SORCS3: variants seen among roughly 807,000 people sequenced by gnomAD.
The protein encoded by SORCS3 is VPS10 domain-containing receptor SorCS3.
SORCS3 carries 57 observed loss-of-function variants against 146.3 expected under a neutral mutation model. The observed-to-expected ratio is 0.39, with a 90% confidence interval of 0.31 to 0.49. SORCS3 has a LOEUF of 0.49. Ranked by LOEUF, SORCS3 falls within the 20% of genes least tolerant of loss-of-function variation. The pLI is 0.92. For synonymous variants in SORCS3, 653 were observed against 618.5 expected (o/e 1.06, Z -0.83); for missense variants, 1,341 against 1,575.5 (o/e 0.85, Z 2.52).
At chr10:104,922,462 A>T (rs1286735055) in intron 3 of SORCS3, among the ~76,000 whole-genome samples, 1 of 152,172 alleles carries the variant, frequency 6.6e-6, no homozygotes, top group Non-Finnish European at 1.5e-5. Context: ...ATTCGGATGC[A>T]TGCAGGGGCC....
Position 104,997,211 on chromosome 10 carries a change from A to C in SORCS3, c.954+19718A>C, listed in dbSNP as rs544656649. Among the ~76,000 whole-genome samples, 4 of 152,324 alleles carry C rather than the reference A, an allele frequency of 2.6e-5. No homozygotes were observed. In the South Asian group the frequency reaches 8.3e-4, roughly 32 times the overall value. ...GAAACTTATGCTTTATTATGTAGACAGGAAACTATTTCTTTTAACACAGTT... is the reference window on the plus strand; with the variant it reads ...GAAACTTATGCTTTATTATGTAGACCGGAAACTATTTCTTTTAACACAGTT... On this transcript the variant is annotated intron_variant, in intron 4 of 26. Coordinates refer to ENST00000369701, the MANE Select transcript of SORCS3 (RefSeq NM_014978.3).
intron 7 of SORCS3, among the ~76,000 whole-genome samples, chr10:105,113,416 A>T (rs1267486864): frequency 6.6e-6 from 1 of 152,220 alleles, no homozygotes; most frequent in Non-Finnish European, 1.5e-5. Flanking sequence ...ACCTCTTTAT[A>T]ATGATATTCA....
At chr10:104,765,996 TG>T (rs2017175618) in intron 1 of SORCS3, among the ~76,000 whole-genome samples, 1 of 152,212 alleles carries the variant, frequency 6.6e-6, no homozygotes, top group African/African-American at 2.4e-5. Flanking sequence ...ACTTGCCCTT[TG>T]GGGCTAGAGA....
chr10:105,030,818 C>G (rs2055261572), intron 4 of SORCS3, among the ~76,000 whole-genome samples: 1 of 151,686 alleles, frequency 6.6e-6, no homozygotes, highest in Non-Finnish European at 1.5e-5. Flanking sequence ...GTCTTGAACT[C>G]CTGACCTCAG....
chr10:104,930,047 C>T (rs996810181), intron 3 of SORCS3, among the ~76,000 whole-genome samples: 1 of 135,172 alleles, frequency 7.4e-6, no homozygotes, highest in Non-Finnish European at 1.5e-5. Context: ...CCATAAATGT[C>T]CAGAAAATGG....
rs186142861 is a variant in SORCS3, at chr10:104,932,206, C to T, written c.795+16274C>T. The stretch of plus-strand genomic sequence containing the variant: ...ATTTTCTTGGCATTAATAGTTTCTA[C>T]AGAACCCGTCTTGCCTCAGCTGGAC... On this transcript the variant is annotated intron_variant, in intron 3 of 26. Transcript: ENST00000369701. Among the ~76,000 whole-genome samples the T allele has an allele frequency of 3.9e-5, 6 of 152,336 alleles. No individual in the cohort carries two copies. The East Asian group carries it at 1.2e-3, about 29-fold the overall frequency.
intron 5 of SORCS3, among the ~76,000 whole-genome samples, chr10:105,069,386 C>T (rs1414303399): frequency 6.6e-6 from 1 of 152,200 alleles, no homozygotes; most frequent in African/African-American, 2.4e-5. Flanking sequence ...TGGGACAAAC[C>T]TCTTGGCTTC....
At chr10:105,124,065 TC>T (rs1347046883) in intron 7 of SORCS3, among the ~76,000 whole-genome samples, 2 of 152,158 alleles carry the variant, frequency 1.3e-5, no homozygotes, top group African/African-American at 4.8e-5. Flanking sequence ...TACTCTTCCT[TC>T]CCCCTTTCTA....
chr10:105,003,498 GATTCCATGATTAAATGGAGCCTA>G (rs1305193300), intron 4 of SORCS3, among the ~76,000 whole-genome samples: 1 of 152,058 alleles, frequency 6.6e-6, no homozygotes, highest in Non-Finnish European at 1.5e-5. Flanking sequence ...CAAACTCTCT[GATTCCATGATTAAATGGAGCCTA>G]ATTTGTGTTG....
intron 18 of SORCS3, 78 bp from the exon 19 acceptor site, chr10:105,216,858 T>G: frequency 6.9e-7 from 1 of 1,446,570 alleles, no homozygotes. Context: ...AGGTTGATGC[T>G]GAAGCAACAG....
At chr10:105,213,297 C>A (rs900934593) in intron 17 of SORCS3, among the ~76,000 whole-genome samples, 1 of 152,242 alleles carries the variant, frequency 6.6e-6, no homozygotes, top group African/African-American at 2.4e-5. Flanking sequence ...AGGGGGTACC[C>A]AGGGAAAATG....
chr10:104,644,452 T>C (rs1267996341), intron 1 of SORCS3, among the ~76,000 whole-genome samples: 10 of 152,218 alleles, frequency 6.6e-5, no homozygotes, highest in Admixed American at 6.5e-4. Flanking sequence ...GGAAATCTCC[T>C]GGAGAGTCAC....
chr10:105,053,562 G>A lies in SORCS3; in HGVS notation c.1028+10434G>A, dbSNP rs191522135. ...AAATACCTCTTAAAAAATCAAGTAC[G>A]TCTTCATAGCCTTTTTTCCCTATTA... On this transcript the variant is annotated intron_variant, in intron 5 of 26. Coordinates refer to ENST00000369701, the MANE Select transcript of SORCS3 (RefSeq NM_014978.3). Among the ~76,000 whole-genome samples, 544 of 151,706 alleles carry A rather than the reference G, an allele frequency of 3.6e-3. 7 individuals are homozygous for A. Among genetic ancestry groups the A allele is most frequent in the African/African-American group, 0.012 (507 of 41,350 alleles).
At chr10:105,049,038 G>A (rs936553958) in intron 5 of SORCS3, among the ~76,000 whole-genome samples, 3 of 151,924 alleles carry the variant, frequency 2.0e-5, no homozygotes, top group Non-Finnish European at 4.4e-5. Flanking sequence ...ATTGACATTT[G>A]TATGCATAGG....
intron 7 of SORCS3, among the ~76,000 whole-genome samples, chr10:105,135,429 A>G (rs1326215355): frequency 6.6e-6 from 1 of 152,126 alleles, no homozygotes; most frequent in African/African-American, 2.4e-5. Flanking sequence ...CCATTGTTTC[A>G]TTGATCTGGT....
At chr10:105,003,537 T>G (rs1405131656) in intron 4 of SORCS3, among the ~76,000 whole-genome samples, 1 of 152,164 alleles carries the variant, frequency 6.6e-6, no homozygotes, top group Non-Finnish European at 1.5e-5. Flanking sequence ...TGTTGTGCAA[T>G]TCGAAGTTAT....
intron 1 of SORCS3, among the ~76,000 whole-genome samples, chr10:104,669,042 A>G (rs560481434): frequency 1.3e-5 from 2 of 152,158 alleles, no homozygotes; most frequent in Admixed American, 6.5e-5. Context: ...AGTGTTAAGA[A>G]CAAGCACTGC....
chr10:104,662,543 C>T (rs562455598), intron 1 of SORCS3, among the ~76,000 whole-genome samples: 6 of 152,190 alleles, frequency 3.9e-5, no homozygotes, highest in Non-Finnish European at 8.8e-5. Flanking sequence ...GTTACAGAGC[C>T]CACTTCTCCA....
intron 20 of SORCS3, among the ~76,000 whole-genome samples, chr10:105,227,051 GT>G: frequency 6.6e-6 from 1 of 151,572 alleles, no homozygotes; most frequent in Admixed American, 6.6e-5. Context: ...TCTCTATTTT[GT>G]TTAGTTCTCC....
Sources: allele counts gnomAD v4.1 joint callset (sites outside exome capture counted in the v4.1 genomes callset), GRCh38; gene constraint gnomAD v4.1.1; transcripts MANE v1.5; gene names NCBI Gene and HGNC (gene_info 2026-07-23, HGNC 2026-07-21).